ZNF438: variants seen among roughly 807,000 people sequenced by gnomAD.
The protein encoded by ZNF438 is zinc finger protein 438.
In ZNF438, 25 loss-of-function variants were observed where a neutral mutation model predicts 38.0. The observed-to-expected ratio is 0.66, with a 90% CI of 0.48 to 0.92. ZNF438 has a LOEUF of 0.92. Ranked by LOEUF, ZNF438 falls within the 40% of genes least tolerant of loss-of-function variation. The pLI, the probability that ZNF438 is intolerant of heterozygous loss-of-function variation, is 0.00. For synonymous variants in ZNF438, 372 were observed against 364.1 expected (o/e 1.02, Z -0.25); for missense variants, 1,007 against 999.6 (o/e 1.01, Z -0.10).
At chr10:30,942,008 A>G (rs1290142601) in intron 1 of ZNF438, among the ~76,000 whole-genome samples, 1 of 152,238 alleles carries the variant, frequency 6.6e-6, no homozygotes. Flanking sequence ...GAAATTGAAT[A>G]AGAGACAGTT....
At chr10:30,957,711 CT>C (rs2049019714) in intron 1 of ZNF438, among the ~76,000 whole-genome samples, 1 of 152,072 alleles carries the variant, frequency 6.6e-6, no homozygotes, top group Admixed American at 6.6e-5. Context: ...TCCTATGTGT[CT>C]GTTTTTATGT....
At chr10:30,926,326 T>G (rs2135122939) in intron 2 of ZNF438, among the ~76,000 whole-genome samples, 1 of 152,264 alleles carries the variant, frequency 6.6e-6, no homozygotes. Flanking sequence ...GCAGAACAAG[T>G]GTCTACCAAG....
chr10:30,917,839 T>C (rs1377458319), intron 2 of ZNF438, among the ~76,000 whole-genome samples: 3 of 152,192 alleles, frequency 2.0e-5, no homozygotes, highest in Non-Finnish European at 4.4e-5. Context: ...GCTTTTCTCT[T>C]ACAGTGATTG....
intron 2 of ZNF438, chr10:30,920,829 T>C (rs2044213057): frequency 6.6e-6 from 1 of 152,214 alleles, no homozygotes; most frequent in Non-Finnish European, 1.5e-5. Flanking sequence ...TGCAACTCTT[T>C]ACCACTGAAG....
chr10:30,951,503 T>C lies in ZNF438; in HGVS notation c.-191-9852A>G, dbSNP rs559531902. Among the ~76,000 whole-genome samples the C allele has an allele frequency of 1.4e-3, 212 of 152,238 alleles. 1 individual carries two copies. The highest frequency in any genetic ancestry group is 3.9e-3 in the South Asian group (19 of 4,820). ...ATGATTGTATATCCAGAAAACCCCA[T>C]TGTCTCAGCCCAAAATCTCCTTAAG... On this transcript the variant is annotated intron_variant, in intron 1 of 5. Coordinates refer to ENST00000413025, the Ensembl canonical transcript of ZNF438.
chr10:30,874,661 C>G (rs1208928343), intron 4 of ZNF438, among the ~76,000 whole-genome samples: 1 of 151,778 alleles, frequency 6.6e-6, no homozygotes, highest in Non-Finnish European at 1.5e-5. Context: ...GTTATAATTT[C>G]TGCTCACTTT....
intron 2 of ZNF438, among the ~76,000 whole-genome samples, chr10:30,929,577 C>T (rs1411586123): frequency 6.6e-6 from 1 of 152,178 alleles, no homozygotes; most frequent in Non-Finnish European, 1.5e-5. Flanking sequence ...AAAGCTTTCA[C>T]AAACAAAGTA....
At chr10:30,869,408 G>GAAAGCA (rs57263489) in intron 4 of ZNF438, among the ~76,000 whole-genome samples, 8 of 151,172 alleles carry the variant, frequency 5.3e-5, no homozygotes, top group Non-Finnish European at 7.4e-5. Context: ...AAAAGAAAGA[G>GAAAGCA]GAAAGAAAGA....
At chr10:30,963,986 T>A (rs975508982) in intron 1 of ZNF438, among the ~76,000 whole-genome samples, 4 of 152,238 alleles carry the variant, frequency 2.6e-5, no homozygotes, top group Admixed American at 1.3e-4. Context: ...GCTGAAATTT[T>A]ACTTGGGTGA....
intron 3 of ZNF438, among the ~76,000 whole-genome samples, chr10:30,888,344 A>AACACACACACACACAC (rs140506626): frequency 0.02 from 2,945 of 147,380 alleles, 84 homozygotes; most frequent in African/African-American, 0.066. Flanking sequence ...TAATATTATA[A>AACACACACACACACAC]ACACACACAC....
intron 2 of ZNF438, among the ~76,000 whole-genome samples, chr10:30,939,773 G>T (rs991168718): frequency 1.3e-5 from 2 of 152,194 alleles, no homozygotes; most frequent in Non-Finnish European, 2.9e-5. Context: ...TATTTCTAGA[G>T]CATGGGAGAT....
intron 4 of ZNF438, among the ~76,000 whole-genome samples, chr10:30,856,862 A>G (rs1180836995): frequency 2.0e-5 from 3 of 152,212 alleles, no homozygotes; most frequent in Admixed American, 2.0e-4. Flanking sequence ...CTAAAATAAC[A>G]ATTTTGAAAA....
intron 3 of ZNF438, among the ~76,000 whole-genome samples, chr10:30,884,083 A>T (rs1394909940): frequency 6.6e-6 from 1 of 152,216 alleles, no homozygotes; most frequent in Non-Finnish European, 1.5e-5. Flanking sequence ...TTTTGCAATC[A>T]GAAAAAAATG....
At chr10:30,951,678 A>G (rs1006323489) in intron 1 of ZNF438, among the ~76,000 whole-genome samples, 6 of 152,148 alleles carry the variant, frequency 3.9e-5, no homozygotes, top group African/African-American at 1.4e-4. Context: ...AATACCTAGG[A>G]ATCCAACTTA....
intron 3 of ZNF438, among the ~76,000 whole-genome samples, chr10:30,903,042 C>G (rs1175237492): frequency 6.6e-6 from 1 of 152,202 alleles, no homozygotes; most frequent in Non-Finnish European, 1.5e-5. Flanking sequence ...GGCCCAGGTC[C>G]TAATCCCCTC....
At chr10:30,992,851 GCAGCAAA>G (rs2053643804) in intron 1 of ZNF438, among the ~76,000 whole-genome samples, 1 of 152,222 alleles carries the variant, frequency 6.6e-6, no homozygotes, top group African/African-American at 2.4e-5. Flanking sequence ...TTGTCACAAA[GCAGCAAA>G]CAGCCTGACA....
At chr10:30,921,434 T>TC (rs2044287774) in intron 2 of ZNF438, among the ~76,000 whole-genome samples, 1 of 152,236 alleles carries the variant, frequency 6.6e-6, no homozygotes, top group Non-Finnish European at 1.5e-5. Flanking sequence ...AAAAGTCTTT[T>TC]AAGTATGGCC....
At chr10:30,980,283 C>A (rs1166772218) in intron 1 of ZNF438, among the ~76,000 whole-genome samples, 4 of 149,744 alleles carry the variant, frequency 2.7e-5, no homozygotes, top group African/African-American at 4.9e-5. Flanking sequence ...ACCTTTTACT[C>A]CTATATGGAG....
At chr10:30,970,451 A>G (rs1336390635) in intron 1 of ZNF438, among the ~76,000 whole-genome samples, 1 of 152,184 alleles carries the variant, frequency 6.6e-6, no homozygotes, top group African/African-American at 2.4e-5. Context: ...GAATATTATT[A>G]TTTGATTAAA....
Sources: gnomAD v4.1 joint callset for allele counts (sites outside exome capture counted in the v4.1 genomes callset) on GRCh38, gnomAD v4.1.1 for gene constraint, MANE v1.5 for transcripts, NCBI Gene and HGNC (gene_info 2026-07-23, HGNC 2026-07-21) for gene names.